The following PCDHGB5 variants were observed in gnomAD, a reference collection of about 807,000 sequenced individuals.
PCDHGB5 encodes protocadherin gamma subfamily B, 5, also known as protocadherin gamma-B5.
PCDHGB5 carries 48 observed loss-of-function variants against 62.9 expected under a neutral mutation model. That is an observed-to-expected ratio of 0.76 (90% confidence interval 0.61 to 0.97). The LOEUF (loss-of-function observed/expected upper bound fraction) is 0.97. PCDHGB5 is among the 50% of genes least tolerant of loss of function. PCDHGB5 has a pLI of 0.00. For synonymous variants in PCDHGB5, 474 were observed against 511.2 expected (o/e 0.93, Z 0.98); for missense variants, 1,118 against 1,198.6 (o/e 0.93, Z 0.99).
At chr5:141,408,608 A>C in intron 1 of PCDHGB5, 1 of 1,614,072 alleles carries the variant, frequency 6.2e-7, no homozygotes, top group South Asian at 1.1e-5. Context: ...ATTTGATAAA[A>C]AGGAAATACA....
chr5:141,421,715 T>G (rs756472123), intron 1 of PCDHGB5: 1 of 1,613,960 alleles, frequency 6.2e-7, no homozygotes, highest in Admixed American at 1.7e-5. Context: ...GATCCAGATG[T>G]GGGCGTGAAC....
At chr5:141,404,015 C>T in intron 1 of PCDHGB5, 1 of 1,613,622 alleles carries the variant, frequency 6.2e-7, no homozygotes. Context: ...TCTGTTTAGC[C>T]CAGTGAGAGA....
At position 141,511,423 on chromosome 5, in the gene PCDHGB5, A is replaced by G. The variant is rs1301463531; in HGVS notation, c.*250A>G. On this transcript the variant is annotated 3_prime_UTR_variant, in exon 4 of 4. Transcript: ENST00000617380. ...AATCAACTGCTGTACCCATGGGGGTAGTGGGGTTACTGTAGACACCAAGAA... is the reference window on the plus strand; with the variant it reads ...AATCAACTGCTGTACCCATGGGGGTGGTGGGGTTACTGTAGACACCAAGAA... 15 of 818,384 alleles carry G rather than the reference A, an allele frequency of 1.8e-5. No homozygotes were observed. Among genetic ancestry groups the G allele is most frequent in the East Asian group, 3.0e-5 (1 of 33,874 alleles). 50.7% of individuals were successfully genotyped at this position (818,384 alleles called of 1,614,324 possible). A position where few individuals can be genotyped will look rare whatever the true frequency, so the allele number is the denominator to read the frequency against.
At chr5:141,455,225 C>CA (rs2098817003) in intron 1 of PCDHGB5, among the ~76,000 whole-genome samples, 2 of 151,666 alleles carry the variant, frequency 1.3e-5, no homozygotes, top group South Asian at 2.1e-4. Context: ...AATGCTTTGA[C>CA]AAAAAATGTT....
chr5:141,410,458 T>C (rs776990737), intron 1 of PCDHGB5: 9 of 1,613,922 alleles, frequency 5.6e-6, no homozygotes, highest in Middle Eastern at 3.3e-4. Context: ...CTTATTCTTA[T>C]AATCTGTGCA....
intron 1 of PCDHGB5, chr5:141,427,093 G>A (rs1446677593): frequency 2.2e-6 from 1 of 458,122 alleles, no homozygotes. Flanking sequence ...CAGGATGAGG[G>A]TGTCAATGCG....
In PCDHGB5 at chr5:141,432,262, A is replaced by G; in HGVS notation, c.2397+31738A>G. 1.9e-6 allele frequency: 3 copies of G among 1,614,222 alleles called. No homozygotes were observed. Among genetic ancestry groups the G allele is most frequent in the Non-Finnish European group, 2.5e-6 (3 of 1,180,036 alleles). On this transcript the variant is annotated intron_variant, in intron 1 of 3. Coordinates refer to ENST00000617380, the MANE Select transcript of PCDHGB5 (RefSeq NM_018925.3). This position sits in a 1 kb window ranked among gnomAD's most constrained non-coding sequence, Gnocchi z 6.0. ...AGAACACCATCCAAGGGGCAAGCCT[A>G]TCGTCCTACGTGTCCATCAACTCCG...
rs1174072440 is a variant in PCDHGB5, at chr5:141,438,581, TACATACATAC to T, written c.2397+38059_2397+38068del. Among the ~76,000 whole-genome samples, 141 of 49,790 alleles carry T rather than the reference TACATACATAC, an allele frequency of 2.8e-3. 1 individual carries two copies. Among genetic ancestry groups the T allele is most frequent in the African/African-American group, 0.014 (97 of 6,866 alleles). 32.7% of individuals were successfully genotyped at this position (49,790 alleles called of 152,430 possible). A position where few individuals can be genotyped will look rare whatever the true frequency, so the allele number is the denominator to read the frequency against. On this transcript the variant is annotated intron_variant, in intron 1 of 3. Coordinates refer to ENST00000617380, the MANE Select transcript of PCDHGB5 (RefSeq NM_018925.3). ...GAGGCAGCTGTCTGATATACATACA[TACATACATAC>T]ATATATATATATATATATATATATA...
chr5:141,403,390 G>T (rs1471861396), intron 1 of PCDHGB5: 14 of 1,614,038 alleles, frequency 8.7e-6, no homozygotes, highest in African/African-American at 1.3e-5. Context: ...ACGAAATCGC[G>T]GTTCCTGGAG....
At chr5:141,420,036 G>A (rs1370492350) in intron 1 of PCDHGB5, 1 of 1,614,078 alleles carries the variant, frequency 6.2e-7, no homozygotes. Flanking sequence ...GCAGGAGACT[G>A]CTTTGAGTCA....
intron 1 of PCDHGB5, chr5:141,403,053 C>A: frequency 6.2e-7 from 1 of 1,614,076 alleles, no homozygotes; most frequent in Non-Finnish European, 8.5e-7. Context: ...ATTCGCTACT[C>A]AGTGCCTGAA....
chr5:141,491,955 A>T lies in PCDHGB5; in HGVS notation c.2398-2852A>T. Reference sequence around the variant, plus strand: ...GGGACCGACCCCCACCCCTACACTCAAAAAAGGCCGGGGCCTCCTTCGAGC... The same window carrying T: ...GGGACCGACCCCCACCCCTACACTCTAAAAAGGCCGGGGCCTCCTTCGAGC... On this transcript the variant is annotated intron_variant, in intron 1 of 3. Coordinates refer to ENST00000617380, the MANE Select transcript of PCDHGB5 (RefSeq NM_018925.3). This position sits in a 1 kb window ranked among gnomAD's most constrained non-coding sequence, Gnocchi z 6.9. 9.7e-7 allele frequency: 1 copy of T among 1,029,648 alleles called. No homozygotes were observed. The highest frequency in any genetic ancestry group is 2.2e-5 in the South Asian group (1 of 44,530). The allele number at this position is 1,029,648 out of a possible 1,614,324, so 63.8% of individuals were successfully genotyped here. A position where few individuals can be genotyped will look rare whatever the true frequency, so the allele number is the denominator to read the frequency against.
rs780541121 is a variant in PCDHGB5 at position 141,477,533 on chromosome 5, G to T, written c.2398-17274G>T. ...TTACATTGAAGAAAACAACCTCCCCGGGGCTCCAATACTAAACCTAAGTGT... is the reference window on the plus strand; with the variant it reads ...TTACATTGAAGAAAACAACCTCCCCTGGGCTCCAATACTAAACCTAAGTGT... On this transcript the variant is annotated intron_variant, in intron 1 of 3. Coordinates refer to ENST00000617380, the MANE Select transcript of PCDHGB5 (RefSeq NM_018925.3). This position sits in a 1 kb window ranked among gnomAD's most constrained non-coding sequence, Gnocchi z 4.9. 6.2e-7 allele frequency: 1 copy of T among 1,614,010 alleles called. No homozygotes were observed. The highest frequency in any genetic ancestry group is 1.1e-5 in the South Asian group (1 of 91,066).
Position 141,422,925 on chromosome 5 carries a change from T to C in PCDHGB5, c.2397+22401T>C, listed in dbSNP as rs568894245. ...ACAATGCGCCCGAGATCCTGTACCC[T>C]GCCCTCCCCACAGACGGCTCCACTG... On this transcript the variant is annotated intron_variant, in intron 1 of 3. Transcript: ENST00000617380. 1.4e-4 allele frequency: 220 copies of C among 1,614,202 alleles called. 2 individuals are homozygous for C. The South Asian group carries it at 2.2e-3, about 16-fold the overall frequency.
intron 1 of PCDHGB5, chr5:141,414,447 C>A (rs2095748360): frequency 1.2e-6 from 2 of 1,613,848 alleles, no homozygotes; most frequent in East Asian, 2.2e-5. Flanking sequence ...CTTACAATAT[C>A]ACAGTGACAG....
intron 1 of PCDHGB5, chr5:141,403,552 G>A (rs1228068556): frequency 1.2e-6 from 2 of 1,613,892 alleles, no homozygotes; most frequent in African/African-American, 1.3e-5. Flanking sequence ...AGCGCGCCCT[G>A]GACAGGGAGG....
At chr5:141,418,811 A>C in intron 1 of PCDHGB5, 1 of 1,613,916 alleles carries the variant, frequency 6.2e-7, no homozygotes. Context: ...ATATACGATA[A>C]ACATAGAAGC....
chr5:141,512,702 C>T lies in PCDHGB5; in HGVS notation c.*1529C>T, dbSNP rs940927635. 2.0e-5 allele frequency: 3 copies of T among 152,828 alleles called. No homozygotes were observed. Among genetic ancestry groups the T allele is most frequent in the Non-Finnish European group, 2.9e-5 (2 of 68,560 alleles). The allele number at this position is 152,828 out of a possible 1,614,324, so 9.5% of individuals were successfully genotyped here. ...ATAGCCAGTAGTGTAGTGCGGTGTG[C>T]TTTTACGTGATGGCGGGTGGGCAGC... On this transcript the variant is annotated 3_prime_UTR_variant, in exon 4 of 4. Transcript: ENST00000617380.
chr5:141,485,543 G>C lies in PCDHGB5; in HGVS notation c.2398-9264G>C. 1.9e-6 allele frequency: 3 copies of C among 1,614,092 alleles called. No homozygotes were observed. The highest frequency in any genetic ancestry group is 2.5e-6 in the Non-Finnish European group (3 of 1,179,972). On this transcript the variant is annotated intron_variant, in intron 1 of 3. Coordinates refer to ENST00000617380, the MANE Select transcript of PCDHGB5 (RefSeq NM_018925.3). This position sits in a 1 kb window ranked among gnomAD's most constrained non-coding sequence, Gnocchi z 5.7. Reference sequence around the variant, plus strand: ...AATGTACCGAGCAGAGGTAGAGATCGTAGATGTGAATGATCACGCCCCCCG... The same window carrying C: ...AATGTACCGAGCAGAGGTAGAGATCCTAGATGTGAATGATCACGCCCCCCG...
Sources: allele counts gnomAD v4.1 joint callset (sites outside exome capture counted in the v4.1 genomes callset), GRCh38; gene constraint gnomAD v4.1.1; non-coding constraint Gnocchi (gnomAD v3.1); transcripts MANE v1.5; gene names NCBI Gene and HGNC (gene_info 2026-07-23, HGNC 2026-07-21).